The following SLC49A4 variants were observed in gnomAD, a reference collection of about 807,000 sequenced individuals.
The protein encoded by SLC49A4 is disrupted in renal cancer protein 2.
Under a neutral mutation model 50.6 loss-of-function variants are expected in SLC49A4, and 36 were observed. That is an observed-to-expected ratio of 0.71 (90% CI 0.55 to 0.94). SLC49A4 has a LOEUF of 0.94. SLC49A4 is among the 40% of genes least tolerant of loss of function. SLC49A4 has a pLI of 0.00. For synonymous variants in SLC49A4, 248 were observed against 241.2 expected, an observed-to-expected ratio of 1.03 and a Z score of -0.26; for missense variants, 503 against 605.7, an observed-to-expected ratio of 0.83 and a Z score of 1.78.
intron 4 of SLC49A4, among the ~76,000 whole-genome samples, chr3:122,843,927 C>T (rs1268973925): frequency 1.3e-5 from 2 of 152,150 alleles, no homozygotes; most frequent in African/African-American, 4.8e-5. Context: ...GTGTGTACAC[C>T]TAGTTCTTTG....
chr3:122,797,160 T>TAA (rs200837807), intron 1 of SLC49A4, among the ~76,000 whole-genome samples: 1 of 151,966 alleles, frequency 6.6e-6, no homozygotes, highest in Non-Finnish European at 1.5e-5. Flanking sequence ...ATGTAGCTGC[T>TAA]AAAAAAGAAA....
rs1324829075 is a variant in SLC49A4 at position 122,860,211 on chromosome 3, A to C, written c.1138+9A>C. 6.4e-7 allele frequency: 1 copy of C among 1,572,328 alleles called. No individual in the cohort carries two copies. Among genetic ancestry groups the C allele is most frequent in the African/African-American group, 1.4e-5 (1 of 72,806 alleles). On this transcript the variant is annotated intron_variant, in intron 7 of 8. Transcript: ENST00000261038. ...CCTACCTTTAACCACAGGTGAGCAT[A>C]GGCTATTTTTGAACTTTTAATAAAT... is the stretch of plus-strand genomic sequence containing the variant.
intron 6 of SLC49A4, among the ~76,000 whole-genome samples, chr3:122,857,715 A>G (rs1937006256): frequency 2.0e-5 from 3 of 152,228 alleles, no homozygotes; most frequent in African/African-American, 4.8e-5. Context: ...TACTAAAAAT[A>G]CATTGACCTG....
intron 7 of SLC49A4, among the ~76,000 whole-genome samples, chr3:122,872,085 T>C (rs1003683506): frequency 1.3e-5 from 2 of 152,214 alleles, no homozygotes; most frequent in Non-Finnish European, 2.9e-5. Context: ...TCTAAAATTA[T>C]GGAACAAGTC....
At chr3:122,809,450 A>AG (rs1444461848) in intron 2 of SLC49A4, among the ~76,000 whole-genome samples, 1 of 152,192 alleles carries the variant, frequency 6.6e-6, no homozygotes, top group African/African-American at 2.4e-5. Flanking sequence ...GGCCAGGTGC[A>AG]GTGGCCCACA....
At chr3:122,809,972 A>T (rs1033532733) in intron 2 of SLC49A4, among the ~76,000 whole-genome samples, 2 of 152,244 alleles carry the variant, frequency 1.3e-5, no homozygotes, top group Non-Finnish European at 2.9e-5. Context: ...CAATTGGAAC[A>T]TGTATTTTCA....
At chr3:122,823,771 CTT>C (rs766554193) in intron 2 of SLC49A4, among the ~76,000 whole-genome samples, 1 of 152,146 alleles carries the variant, frequency 6.6e-6, no homozygotes, top group African/African-American at 2.4e-5. Context: ...AAAAATTAGA[CTT>C]AATGTATAAA....
intron 5 of SLC49A4, 104 bp from the exon 6 acceptor site, chr3:122,856,203 T>C: frequency 1.0e-6 from 1 of 963,726 alleles, no homozygotes; most frequent in Non-Finnish European, 1.6e-6. Flanking sequence ...TTTTATTTCA[T>C]CCATTTAGCT....
intron 4 of SLC49A4, 132 bp downstream of exon 4, chr3:122,833,578 T>TC: frequency 5.3e-6 from 4 of 756,226 alleles, no homozygotes; most frequent in Non-Finnish European, 7.6e-6. Flanking sequence ...GATAAAATAC[T>TC]AATTGAATAT....
rs898912311 is a variant in SLC49A4, at chr3:122,860,212, G to A, written c.1138+10G>A. 5.1e-6 allele frequency: 8 copies of A among 1,570,404 alleles called. No individual in the cohort carries two copies. In the Admixed American group the frequency reaches 1.4e-4, roughly 27 times the overall value. On this transcript the variant is annotated intron_variant, in intron 7 of 8. Transcript: ENST00000261038. ...CTACCTTTAACCACAGGTGAGCATAGGCTATTTTTGAACTTTTAATAAATA... is the reference window on the plus strand; with the variant it reads ...CTACCTTTAACCACAGGTGAGCATAAGCTATTTTTGAACTTTTAATAAATA...
At chr3:122,874,271 C>A (rs140416987) in intron 8 of SLC49A4, among the ~76,000 whole-genome samples, 1 of 152,268 alleles carries the variant, frequency 6.6e-6, no homozygotes, top group East Asian at 1.9e-4. Context: ...GGTCCTGCTG[C>A]GGTTTTGACT....
At chr3:122,832,214 G>A (rs996315527) in intron 3 of SLC49A4, among the ~76,000 whole-genome samples, 1 of 152,098 alleles carries the variant, frequency 6.6e-6, no homozygotes, top group Non-Finnish European at 1.5e-5. Flanking sequence ...CAAATTACAA[G>A]CTAATTAATG....
At chr3:122,819,264 A>AG (rs893695201) in intron 2 of SLC49A4, among the ~76,000 whole-genome samples, 3 of 151,224 alleles carry the variant, frequency 2.0e-5, no homozygotes, top group Non-Finnish European at 4.4e-5. Context: ...AAAAAAAAAA[A>AG]TCCTGTGAGA....
At chr3:122,854,723 C>T (rs544270678) in intron 5 of SLC49A4, among the ~76,000 whole-genome samples, 3 of 152,330 alleles carry the variant, frequency 2.0e-5, no homozygotes, top group African/African-American at 7.2e-5. Context: ...GACATGTCAT[C>T]TAGCTAAGTA....
intron 7 of SLC49A4, 67 bp downstream of exon 7, chr3:122,860,269 C>A: frequency 7.3e-7 from 1 of 1,365,478 alleles, no homozygotes; most frequent in Admixed American, 2.7e-5. Context: ...ATAACTCTGA[C>A]AGTAGGACTT....
At position 122,795,156 on chromosome 3, in the gene SLC49A4, C is replaced by A; in HGVS notation, c.-37C>A. The A allele has an allele frequency of 1.5e-6, 2 of 1,308,482 alleles. No homozygotes were observed. The highest frequency in any genetic ancestry group is 1.9e-6 in the Non-Finnish European group (2 of 1,037,596). 81.1% of individuals were successfully genotyped at this position (1,308,482 alleles called of 1,614,324 possible). A position where few individuals can be genotyped will look rare whatever the true frequency, so the allele number is the denominator to read the frequency against. ...CTGGGCTAGTCGGCGGTGACCCGGA[C>A]TGCGCCCGGCAGTGGCTTCGCGGGC... On this transcript the variant is annotated 5_prime_UTR_variant, in exon 1 of 9. It adds an upstream start codon to the 5' untranslated region. Transcript: ENST00000261038.
intron 4 of SLC49A4, among the ~76,000 whole-genome samples, chr3:122,839,554 TC>T (rs1390557737): frequency 4.0e-5 from 6 of 149,900 alleles, no homozygotes; most frequent in Non-Finnish European, 1.5e-5. Flanking sequence ...AAAAAAAAAA[TC>T]TCATCAAAAA....
intron 1 of SLC49A4, among the ~76,000 whole-genome samples, chr3:122,805,962 C>T (rs76242272): frequency 0.05 from 7,662 of 151,978 alleles, 264 homozygotes; most frequent in Middle Eastern, 0.11. Flanking sequence ...TGAAAACCAT[C>T]GGATAAATCA....
intron 5 of SLC49A4, among the ~76,000 whole-genome samples, chr3:122,851,431 G>A (rs1157136078): frequency 1.3e-5 from 2 of 151,958 alleles, no homozygotes; most frequent in Non-Finnish European, 2.9e-5. Context: ...GCTGGGCATA[G>A]AATTATTGGT....
Sources: gnomAD v4.1 joint callset for allele counts (sites outside exome capture counted in the v4.1 genomes callset) on GRCh38, gnomAD v4.1.1 for gene constraint, MANE v1.5 for transcripts, NCBI Gene and HGNC (gene_info 2026-07-23, HGNC 2026-07-21) for gene names.